Variants in CACNA2D2 observed in about 807,000 individuals in gnomAD.
CACNA2D2 encodes the protein calcium voltage-gated channel auxiliary subunit alpha2delta 2, also known as voltage-dependent calcium channel subunit alpha-2/delta-2.
In CACNA2D2, 48 loss-of-function variants were observed where a neutral mutation model predicts 166.4. The ratio of observed to expected loss-of-function variants is 0.29; its 90% CI spans 0.23 to 0.37. CACNA2D2 has a LOEUF of 0.37. CACNA2D2 is among the 10% of genes least tolerant of loss of function. The pLI, the probability that CACNA2D2 is intolerant of heterozygous loss-of-function variation, is 1.00. For synonymous variants in CACNA2D2, 561 were observed against 573.7 expected (o/e 0.98, Z 0.32); for missense variants, 1,122 against 1,433.0 (o/e 0.78, Z 3.50).
chr3:50,366,462 C>T lies in CACNA2D2; in HGVS notation c.2637+116G>A, dbSNP rs748908223. 2.6e-5 allele frequency: 38 copies of T among 1,467,288 alleles called. No individual in the cohort carries two copies. Among genetic ancestry groups the T allele is most frequent in the Admixed American group, 1.4e-4 (8 of 59,042 alleles). The allele number at this position is 1,467,288 out of a possible 1,614,324, so 90.9% of individuals were successfully genotyped here. On this transcript the variant is annotated intron_variant, in intron 30 of 37. Transcript: ENST00000424201. The surrounding 1 kb of genome is among the most constrained non-coding windows in gnomAD (Gnocchi z 5.9). ...CCCAGTCCTGGGAAGGCTGTGAAGT[C>T]AGGGTGGGGATGTTGAGACCCACAG...
chr3:50,457,911 G>T (rs1709432828), intron 2 of CACNA2D2, among the ~76,000 whole-genome samples: 1 of 152,138 alleles, frequency 6.6e-6, no homozygotes. Context: ...TGAGGGTAAG[G>T]GTATGGCCTT....
chr3:50,499,294 G>A (rs1394200563), intron 1 of CACNA2D2, among the ~76,000 whole-genome samples: 1 of 152,184 alleles, frequency 6.6e-6, no homozygotes, highest in Non-Finnish European at 1.5e-5. Context: ...AGAGAGACAG[G>A]CGGCCACCTA....
chr3:50,373,025 G>C, intron 22 of CACNA2D2: 1 of 1,522,984 alleles, frequency 6.6e-7, no homozygotes, highest in Non-Finnish European at 8.8e-7. Flanking sequence ...GGATGGGAGG[G>C]GTGGGAAGAG....
chr3:50,376,025 A>G lies in CACNA2D2; in HGVS notation c.1711T>C (p.Phe571Leu). 6.2e-7 allele frequency: 1 copy of G among 1,613,260 alleles called. No individual in the cohort carries two copies. The highest frequency in any genetic ancestry group is 8.5e-7 in the Non-Finnish European group (1 of 1,179,972). ...HPNLKPQTTN[F>L]REPVTLDFLD... is the part of the protein sequence containing the mutation. The stretch of plus-strand genomic sequence containing the variant: ...AAGTCCAGAGTCACAGGCTCCCGGA[A>G]GTTGGTGGTCTGTTGGAGGCAGGGT... The change falls in exon 19 of 38, where the codon TTC (phenylalanine) becomes CTC (leucine). Residue 571 changes from phenylalanine (F) to leucine (L), a missense_variant. Coordinates refer to ENST00000424201, the MANE Select transcript of CACNA2D2 (RefSeq NM_006030.4). The surrounding 1 kb of genome is among the most constrained non-coding windows in gnomAD (Gnocchi z 4.3).
intron 2 of CACNA2D2, among the ~76,000 whole-genome samples, chr3:50,445,996 G>C (rs996876095): frequency 1.3e-5 from 2 of 152,080 alleles, no homozygotes; most frequent in African/African-American, 4.8e-5. Context: ...CAGCAACAGG[G>C]GCCAGCATTT....
intron 2 of CACNA2D2, among the ~76,000 whole-genome samples, chr3:50,449,636 A>C (rs1025920489): frequency 2.6e-4 from 40 of 152,246 alleles, no homozygotes; most frequent in African/African-American, 9.6e-4. Flanking sequence ...AATCAAGGCC[A>C]GGGATGAAAA....
chr3:50,435,213 G>A (rs1708258360), intron 2 of CACNA2D2, among the ~76,000 whole-genome samples: 1 of 151,970 alleles, frequency 6.6e-6, no homozygotes, highest in Non-Finnish European at 1.5e-5. Context: ...GGGGTGGGGT[G>A]AGGGTCTCTA....
intron 4 of CACNA2D2, among the ~76,000 whole-genome samples, chr3:50,393,641 CCCCTGAGCCCA>C (rs1575620724): frequency 6.6e-6 from 1 of 152,218 alleles, no homozygotes; most frequent in East Asian, 1.9e-4. Context: ...GCAGCCCAGT[CCCCTGAGCCCA>C]GCCTGAGGGC....
intron 1 of CACNA2D2, among the ~76,000 whole-genome samples, chr3:50,486,096 T>C (rs906673451): frequency 6.6e-6 from 1 of 152,192 alleles, no homozygotes. Context: ...ACGGGTAAGC[T>C]GAGGCTCAGC....
intron 2 of CACNA2D2, among the ~76,000 whole-genome samples, chr3:50,436,041 G>A (rs1307589822): frequency 2.0e-5 from 3 of 152,192 alleles, no homozygotes; most frequent in East Asian, 1.9e-4. Context: ...AGGAAAGGCA[G>A]GGAACCTAGA....
At chr3:50,411,916 C>G (rs1417397331) in intron 3 of CACNA2D2, among the ~76,000 whole-genome samples, 1 of 152,220 alleles carries the variant, frequency 6.6e-6, no homozygotes, top group Non-Finnish European at 1.5e-5. Context: ...CCAGACCCTG[C>G]TCCTAGCAAA....
chr3:50,424,748 C>A (rs1204821978), intron 3 of CACNA2D2, among the ~76,000 whole-genome samples: 1 of 152,220 alleles, frequency 6.6e-6, no homozygotes, highest in East Asian at 1.9e-4. Context: ...GAACCTGAGG[C>A]ACCCAGTATC....
chr3:50,381,241 T>TGGATAGGCCGAGA, intron 6 of CACNA2D2, 115 bp from the exon 7 acceptor site: 1 of 1,243,766 alleles, frequency 8.0e-7, no homozygotes, highest in Non-Finnish European at 1.1e-6. Flanking sequence ...GTTCTCGGCC[T>TGGATAGGCCGAGA]ATCCAGGCCC....
intron 1 of CACNA2D2, among the ~76,000 whole-genome samples, chr3:50,498,401 A>C (rs1698812011): frequency 6.6e-6 from 1 of 152,138 alleles, no homozygotes; most frequent in African/African-American, 2.4e-5. Flanking sequence ...TTCCATGAAC[A>C]ACCCCCAGCC....
At position 50,367,377 on chromosome 3, in the gene CACNA2D2, A is replaced by G. The variant is rs1227222039; in HGVS notation, c.2401+17T>C. 6.2e-7 allele frequency: 1 copy of G among 1,608,424 alleles called. No individual in the cohort carries two copies. Among genetic ancestry groups the G allele is most frequent in the Non-Finnish European group, 8.5e-7 (1 of 1,175,396 alleles). ...AGGCTCCCTGCCTGCTGCTGGGCAC[A>G]CTGCGGGGACACTCACCATCCTGGT... On this transcript the variant is annotated intron_variant, in intron 27 of 37. Coordinates refer to ENST00000424201, the MANE Select transcript of CACNA2D2 (RefSeq NM_006030.4). The surrounding 1 kb of genome is among the most constrained non-coding windows in gnomAD (Gnocchi z 6.5).
chr3:50,375,539 T>C lies in CACNA2D2; in HGVS notation c.1907+105A>G, dbSNP rs1704926677. On this transcript the variant is annotated intron_variant, in intron 21 of 37. Transcript: ENST00000424201. The surrounding 1 kb of genome is among the most constrained non-coding windows in gnomAD (Gnocchi z 4.0). ...AGTAGTGAGCAGCCCTGGCCACTGGTGCCCCACTGGGATGGTGGTCACAGT... is the reference window on the plus strand; with the variant it reads ...AGTAGTGAGCAGCCCTGGCCACTGGCGCCCCACTGGGATGGTGGTCACAGT... The C allele has an allele frequency of 2.8e-5, 33 of 1,198,998 alleles. No individual in the cohort carries two copies. Among genetic ancestry groups the C allele is most frequent in the Non-Finnish European group, 3.8e-5 (31 of 822,964 alleles). The allele number at this position is 1,198,998 out of a possible 1,614,324, so 74.3% of individuals were successfully genotyped here.
intron 2 of CACNA2D2, among the ~76,000 whole-genome samples, chr3:50,462,387 A>AAATAATAATAATAATAATAAT (rs55797246): frequency 7.3e-6 from 1 of 137,604 alleles, no homozygotes; most frequent in African/African-American, 2.8e-5. Flanking sequence ...GACTGTCTCA[A>AAATAATAATAATAATAATAAT]AATAATAATA....
In CACNA2D2 at chr3:50,366,634, C is replaced by A; in HGVS notation, c.2590-9G>T. 6.2e-7 allele frequency: 1 copy of A among 1,613,830 alleles called. No individual in the cohort carries two copies. The highest frequency in any genetic ancestry group is 8.5e-7 in the Non-Finnish European group (1 of 1,179,990). ...TGGCTGTTGGGGCCGCACTGCTGGG[C>A]AGAGAGTGAGGACCGTAAGCCACCC... On this transcript the variant is annotated splice_polypyrimidine_tract_variant and intron_variant, in intron 29 of 37. Coordinates refer to ENST00000424201, the MANE Select transcript of CACNA2D2 (RefSeq NM_006030.4). This position sits in a 1 kb window ranked among gnomAD's most constrained non-coding sequence, Gnocchi z 5.9.
chr3:50,401,346 C>T (rs543317883), intron 3 of CACNA2D2, among the ~76,000 whole-genome samples: 17 of 152,224 alleles, frequency 1.1e-4, no homozygotes, highest in African/African-American at 3.4e-4. Flanking sequence ...GCAGGGCAGC[C>T]GCCACTCCAC....
Sources: allele counts gnomAD v4.1 joint callset (sites outside exome capture counted in the v4.1 genomes callset), GRCh38; gene constraint gnomAD v4.1.1; non-coding constraint Gnocchi (gnomAD v3.1); transcripts MANE v1.5; gene names NCBI Gene and HGNC (gene_info 2026-07-23, HGNC 2026-07-21).